The following PRKN variants were observed in gnomAD, a reference collection of about 807,000 sequenced individuals.
PRKN encodes the protein E3 ubiquitin-protein ligase parkin.
A neutral mutation model predicts 59.5 loss-of-function variants in PRKN; 56 were observed. The ratio of observed to expected loss-of-function variants is 0.94; its 90% CI spans 0.76 to 1.18. The LOEUF (loss-of-function observed/expected upper bound fraction) is 1.18, where lower values mean the gene tolerates loss of function less well. PRKN is among the 50% of genes most tolerant of loss of function. The probability of loss-of-function intolerance (pLI) is 0.00; values close to 1 mark genes in which losing one functional copy is unlikely to be tolerated. For missense variants in PRKN, 657 were observed against 596.4 expected, an observed-to-expected ratio of 1.10 and a Z score of -1.06; for synonymous variants, 250 against 222.1, an observed-to-expected ratio of 1.13 and a Z score of -1.12.
chr6:162,697,732 C>G (rs967857342), intron 1 of PRKN, among the ~76,000 whole-genome samples: 1 of 152,096 alleles, frequency 6.6e-6, no homozygotes, highest in Admixed American at 6.6e-5. Flanking sequence ...TTTATGGAAA[C>G]AATTTTTGCA....
intron 7 of PRKN, among the ~76,000 whole-genome samples, chr6:161,627,351 T>C (rs1359075962): frequency 1.3e-5 from 2 of 152,232 alleles, no homozygotes; most frequent in African/African-American, 2.4e-5. Context: ...GAAAGAACTC[T>C]ACCTACTTTA....
chr6:161,477,654 A>G (rs1258659651), intron 9 of PRKN, among the ~76,000 whole-genome samples: 10 of 152,214 alleles, frequency 6.6e-5, no homozygotes, highest in Non-Finnish European at 1.3e-4. Context: ...GTGTGAAAGG[A>G]TAAGTTGTTT....
chr6:162,070,783 C>T (rs910541533), intron 4 of PRKN, among the ~76,000 whole-genome samples: 15 of 152,166 alleles, frequency 9.9e-5, no homozygotes, highest in Non-Finnish European at 1.5e-5. Context: ...GAATCTCATG[C>T]TGCCACTGAT....
At chr6:161,531,657 C>A (rs547412759) in intron 9 of PRKN, among the ~76,000 whole-genome samples, 1 of 152,068 alleles carries the variant, frequency 6.6e-6, no homozygotes, top group African/African-American at 2.4e-5. Context: ...ACGCTGCAAA[C>A]GTGTAGGGGA....
chr6:162,074,710 C>T (rs1470451721), intron 4 of PRKN, among the ~76,000 whole-genome samples: 8 of 152,170 alleles, frequency 5.3e-5, no homozygotes, highest in Non-Finnish European at 7.3e-5. Flanking sequence ...AATGCAGCTC[C>T]GCTGGGTTTT....
intron 7 of PRKN, among the ~76,000 whole-genome samples, chr6:161,671,716 T>C (rs934322366): frequency 3.9e-5 from 6 of 152,204 alleles, no homozygotes; most frequent in East Asian, 1.9e-4. Flanking sequence ...TTGTATATCA[T>C]TGTTTTTTCT....
intron 1 of PRKN, among the ~76,000 whole-genome samples, chr6:162,711,376 T>C (rs1778529252): frequency 6.7e-6 from 1 of 149,882 alleles, no homozygotes; most frequent in Non-Finnish European, 1.5e-5. Context: ...GCTTATTCTC[T>C]GATGAGACCA....
intron 6 of PRKN, among the ~76,000 whole-genome samples, chr6:161,941,040 C>T (rs1391055627): frequency 1.3e-5 from 2 of 152,120 alleles, no homozygotes; most frequent in East Asian, 1.9e-4. Context: ...ATGGCATGGT[C>T]GCTTTAACCA....
chr6:162,336,485 G>A (rs1427454342), intron 2 of PRKN, among the ~76,000 whole-genome samples: 1 of 152,132 alleles, frequency 6.6e-6, no homozygotes, highest in African/African-American at 2.4e-5. Context: ...AACTGACAGA[G>A]ATTCACACCA....
rs147068185 is a variant in PRKN, at chr6:162,362,836, T to A, written c.171+80474A>T. 6.6e-3 allele frequency among the ~76,000 whole-genome samples: 1,005 copies of A among 152,050 alleles called. 10 individuals carry two copies. The highest frequency in any genetic ancestry group is 0.022 in the African/African-American group (915 of 41,458). Reference sequence around the variant, plus strand: ...AATAAAAAACACTATTCTATAAAAATTGTTTCCCCTGGCCAGGCGCAGTGG... The same window carrying A: ...AATAAAAAACACTATTCTATAAAAAATGTTTCCCCTGGCCAGGCGCAGTGG... On this transcript the variant is annotated intron_variant, in intron 2 of 11. Coordinates refer to ENST00000366898, the MANE Select transcript of PRKN (RefSeq NM_004562.3).
intron 2 of PRKN, among the ~76,000 whole-genome samples, chr6:162,370,440 T>G (rs1229388915): frequency 6.6e-6 from 1 of 152,214 alleles, no homozygotes. Context: ...CACTATTTTA[T>G]TGGCTTGAGG....
At chr6:162,211,137 T>C (rs1456013745) in intron 3 of PRKN, among the ~76,000 whole-genome samples, 3 of 152,136 alleles carry the variant, frequency 2.0e-5, no homozygotes. Flanking sequence ...GACGGTGGAC[T>C]TTACAAAATA....
At chr6:161,891,032 A>T (rs1056221532) in intron 6 of PRKN, among the ~76,000 whole-genome samples, 6 of 152,184 alleles carry the variant, frequency 3.9e-5, no homozygotes, top group Admixed American at 3.3e-4. Context: ...CTTGCTACAA[A>T]GCGGGAAATA....
At chr6:161,375,327 T>G (rs527587821) in intron 10 of PRKN, among the ~76,000 whole-genome samples, 8 of 152,262 alleles carry the variant, frequency 5.3e-5, no homozygotes, top group African/African-American at 1.9e-4. Context: ...GGAGAGCGCT[T>G]GGAGAGCCCC....
intron 4 of PRKN, among the ~76,000 whole-genome samples, chr6:162,100,889 A>G (rs1779942734): frequency 6.6e-6 from 1 of 152,062 alleles, no homozygotes; most frequent in African/African-American, 2.4e-5. Context: ...CTTTTGAGAA[A>G]AGTTTATTCT....
At chr6:161,811,900 T>C (rs7757645) in intron 6 of PRKN, among the ~76,000 whole-genome samples, 5,621 of 151,522 alleles carry the variant, frequency 0.037, 346 homozygotes, top group African/African-American at 0.13. Flanking sequence ...CCAGCCTGGG[T>C]GACAGAGCAA....
At chr6:161,833,615 C>T (rs1328497700) in intron 6 of PRKN, among the ~76,000 whole-genome samples, 7 of 152,094 alleles carry the variant, frequency 4.6e-5, no homozygotes, top group African/African-American at 1.2e-4. Context: ...AGACTCCCCT[C>T]GGATGTCCGG....
At chr6:161,743,733 AG>A (rs1166344054) in intron 7 of PRKN, among the ~76,000 whole-genome samples, 6 of 152,160 alleles carry the variant, frequency 3.9e-5, no homozygotes, top group Admixed American at 1.3e-4. Context: ...CTTACAACAA[AG>A]GGAACTTTTG....
chr6:162,715,011 T>C (rs560622635), intron 1 of PRKN, among the ~76,000 whole-genome samples: 1 of 152,342 alleles, frequency 6.6e-6, no homozygotes, highest in African/African-American at 2.4e-5. Flanking sequence ...GGTATTTGCA[T>C]GGAAAAGATG....
Sources: gnomAD v4.1 joint callset for allele counts (sites outside exome capture counted in the v4.1 genomes callset) on GRCh38, gnomAD v4.1.1 for gene constraint, MANE v1.5 for transcripts, NCBI Gene and HGNC (gene_info 2026-07-23, HGNC 2026-07-21) for gene names.